Variants in SLC4A7 observed in about 807,000 individuals in gnomAD.
SLC4A7 encodes solute carrier family 4 member 7, also known as sodium bicarbonate cotransporter 3.
A neutral mutation model predicts 137.6 loss-of-function variants in SLC4A7; 51 were observed. The ratio of observed to expected loss-of-function variants is 0.37; its 90% CI spans 0.30 to 0.47. The LOEUF is 0.47. Ranked by LOEUF, SLC4A7 falls within the 20% of genes least tolerant of loss-of-function variation. The pLI, the probability that SLC4A7 is intolerant of heterozygous loss-of-function variation, is 1.00. For synonymous variants in SLC4A7, 542 were observed against 518.6 expected (o/e 1.05, Z -0.61); for missense variants, 1,247 against 1,525.4 (o/e 0.82, Z 3.04).
intron 12 of SLC4A7, among the ~76,000 whole-genome samples, chr3:27,410,344 A>G (rs1332086557): frequency 6.6e-6 from 1 of 152,190 alleles, no homozygotes; most frequent in African/African-American, 2.4e-5. Flanking sequence ...GGCACTCAAC[A>G]AACACTGGTG....
intron 1 of SLC4A7, among the ~76,000 whole-genome samples, chr3:27,480,418 A>G (rs937070219): frequency 1.3e-5 from 2 of 152,104 alleles, no homozygotes; most frequent in Non-Finnish European, 2.9e-5. Context: ...TTGTAGAGAC[A>G]GGGTCCCATT....
Position 27,411,709 on chromosome 3 carries a change from G to T in SLC4A7, c.1699C>A (p.Pro567Thr), listed in dbSNP as rs201689692. The change falls in exon 12 of 26, where the codon CCC becomes ACC. Residue 567 changes from proline to threonine, a missense_variant. Physicochemically the swap from Pro to Thr is conservative, Grantham distance 38. Around this residue, in one of 6 missense-constraint regions of SLC4A7, gnomAD observed 499 missense variants for 664.2 expected, o/e 0.75. Coordinates refer to ENST00000454389, the MANE Select transcript of SLC4A7 (RefSeq NM_001321103.2). The part of the protein sequence containing the change: ...KIPVFHNGST[P>T]TLGETPKEAA... ...TCTTTAGGAGTCTCACCCAGTGTGG[G>T]GGTAGATCCATTGTGAAACACAGGA... The T allele has an allele frequency of 7.7e-6, 12 of 1,554,286 alleles. No individual in the cohort carries two copies. In the East Asian group the frequency reaches 2.6e-4, roughly 34 times the overall value.
chr3:27,469,237 T>C (rs1398624317), intron 1 of SLC4A7, among the ~76,000 whole-genome samples: 1 of 152,212 alleles, frequency 6.6e-6, no homozygotes, highest in Non-Finnish European at 1.5e-5. Flanking sequence ...GTCAGGGGAT[T>C]TCTCCCCACG....
chr3:27,474,227 T>A (rs984622062), intron 1 of SLC4A7, among the ~76,000 whole-genome samples: 1 of 152,142 alleles, frequency 6.6e-6, no homozygotes, highest in Admixed American at 6.5e-5. Context: ...AGAGAATAAA[T>A]AAGTGAGATA....
chr3:27,484,191 G>A lies in SLC4A7; in HGVS notation c.-65C>T. 4 of 1,193,658 alleles carry A rather than the reference G, an allele frequency of 3.4e-6. No homozygotes were observed. The highest frequency in any genetic ancestry group is 3.4e-5 in the South Asian group (1 of 29,552). The allele number at this position is 1,193,658 out of a possible 1,614,324, so 73.9% of individuals were successfully genotyped here. A position where few individuals can be genotyped will look rare whatever the true frequency, so the allele number is the denominator to read the frequency against. On this transcript the variant is annotated 5_prime_UTR_variant, in exon 1 of 26. Coordinates refer to ENST00000454389, the MANE Select transcript of SLC4A7 (RefSeq NM_001321103.2). Reference sequence around the variant, plus strand: ...CCCGCGCGGTCTGCCTGCTTCTGCCGCTGCCCCTGCCGCCGCCGCCGAGCC... The same window carrying A: ...CCCGCGCGGTCTGCCTGCTTCTGCCACTGCCCCTGCCGCCGCCGCCGAGCC...
At chr3:27,428,625 G>T (rs1005172364) in intron 7 of SLC4A7, among the ~76,000 whole-genome samples, 1 of 152,094 alleles carries the variant, frequency 6.6e-6, no homozygotes, top group Non-Finnish European at 1.5e-5. Flanking sequence ...GAGGATTTAG[G>T]CCATCAGTTA....
chr3:27,395,217 G>T, intron 18 of SLC4A7, 102 bp from the exon 19 acceptor site: 1 of 709,182 alleles, frequency 1.4e-6, no homozygotes. Flanking sequence ...CCCAACGAAT[G>T]GGAAATAACT....
intron 1 of SLC4A7, among the ~76,000 whole-genome samples, chr3:27,453,364 G>C (rs896932053): frequency 2.0e-5 from 3 of 152,140 alleles, no homozygotes; most frequent in Non-Finnish European, 4.4e-5. Flanking sequence ...CCTATAATTG[G>C]ATCACTTTGG....
Position 27,403,286 on chromosome 3 carries a change from A to G in SLC4A7, c.2174T>C (p.Val725Ala). Residue 725 changes from valine (V) to alanine (A), a missense_variant, in exon 15 of 26, where the codon GTG (valine) becomes GCG (alanine). By Grantham distance (64) the Val-to-Ala change is moderately conservative. Transcript: ENST00000454389. ...VLVATDASSL[V>A]CYITRFTEEA... ...TTCTGTAAATCGAGTAATATAACAC[A>G]CAAGGCTGCTTGCATCTGTTGCAAC... 1 of 1,614,072 alleles carries G rather than the reference A, an allele frequency of 6.2e-7. No individual in the cohort carries two copies. The highest frequency in any genetic ancestry group is 1.7e-4 in the Middle Eastern group (1 of 6,056).
At chr3:27,471,835 A>G (rs527734720) in intron 1 of SLC4A7, among the ~76,000 whole-genome samples, 2 of 152,356 alleles carry the variant, frequency 1.3e-5, no homozygotes, top group African/African-American at 4.8e-5. Flanking sequence ...TAAACAGTAA[A>G]TGACTGCTAA....
chr3:27,469,430 G>A (rs58977802), intron 1 of SLC4A7, among the ~76,000 whole-genome samples: 4,670 of 152,228 alleles, frequency 0.031, 250 homozygotes, highest in African/African-American at 0.11. Flanking sequence ...ACTTTAAATT[G>A]GGGTTTCCAC....
intron 1 of SLC4A7, chr3:27,456,543 C>T (rs1207737425): frequency 2.6e-6 from 2 of 781,966 alleles, no homozygotes; most frequent in Non-Finnish European, 4.5e-6. Flanking sequence ...AAGGATGATA[C>T]TATTCTAAGC....
chr3:27,403,483 G>A lies in SLC4A7; in HGVS notation c.2076-99C>T, dbSNP rs113436508. 2,651 of 707,694 alleles carry A rather than the reference G, an allele frequency of 3.7e-3. 17 individuals carry two copies. The highest frequency in any genetic ancestry group is 5.4e-3 in the Non-Finnish European group (2,286 of 423,120). 43.8% of individuals were successfully genotyped at this position (707,694 alleles called of 1,614,324 possible). A position where few individuals can be genotyped will look rare whatever the true frequency, so the allele number is the denominator to read the frequency against. On this transcript the variant is annotated intron_variant, in intron 14 of 25. Coordinates refer to ENST00000454389, the MANE Select transcript of SLC4A7 (RefSeq NM_001321103.2). ...AGCAATGGGAACAGCAAGAAAACAC[G>A]ATTCCTAAAAGAGAATGAATTACAG...
intron 24 of SLC4A7, among the ~76,000 whole-genome samples, chr3:27,380,423 T>C (rs967984938): frequency 6.6e-6 from 1 of 151,952 alleles, no homozygotes; most frequent in South Asian, 2.1e-4. Context: ...TCCAATAATA[T>C]CCATAAATAA....
At chr3:27,452,564 C>T (rs2058146507) in intron 1 of SLC4A7, 66 bp from the exon 2 acceptor site, 2 of 994,020 alleles carry the variant, frequency 2.0e-6, no homozygotes, top group South Asian at 3.3e-5. Flanking sequence ...TATATGCATC[C>T]TTTGAAATGG....
intron 11 of SLC4A7, among the ~76,000 whole-genome samples, chr3:27,417,765 A>G (rs866444802): frequency 1.3e-5 from 2 of 152,172 alleles, no homozygotes; most frequent in Non-Finnish European, 2.9e-5. Flanking sequence ...TAAAAACTCA[A>G]TTAAAAACCT....
At chr3:27,449,256 C>T (rs1454147620) in intron 2 of SLC4A7, among the ~76,000 whole-genome samples, 2 of 151,688 alleles carry the variant, frequency 1.3e-5, no homozygotes, top group African/African-American at 4.8e-5. Context: ...ACTATGTAGA[C>T]ATATATTTAT....
intron 13 of SLC4A7, among the ~76,000 whole-genome samples, chr3:27,407,130 A>G (rs563852843): frequency 2.2e-5 from 3 of 137,202 alleles, no homozygotes; most frequent in Non-Finnish European, 3.1e-5. Flanking sequence ...TTTTTTTTCT[A>G]ATTTTTGAAC....
In SLC4A7 at chr3:27,445,823, T is replaced by G. The variant is rs540178146; in HGVS notation, c.289+2828A>C. On this transcript the variant is annotated intron_variant, in intron 3 of 25. Coordinates refer to ENST00000454389, the MANE Select transcript of SLC4A7 (RefSeq NM_001321103.2). ...GGCGGGCACCTGTAATCCCAGCTAC[T>G]TGGGAGGCTGAGGCAGGAGAATTGC... is the stretch of plus-strand genomic sequence containing the variant. Among the ~76,000 whole-genome samples, 34 of 145,462 alleles carry G rather than the reference T, an allele frequency of 2.3e-4. 1 individual carries two copies. In the East Asian group the frequency reaches 6.7e-3, roughly 29 times the overall value.
Sources: gnomAD v4.1 joint callset for allele counts (sites outside exome capture counted in the v4.1 genomes callset) on GRCh38, gnomAD v4.1.1 for gene constraint, gnomAD v4.1.1 regional missense constraint, MANE v1.5 for transcripts, NCBI Gene and HGNC (gene_info 2026-07-23, HGNC 2026-07-21) for gene names.